The following INSL6 variants were observed in gnomAD, a reference collection of about 807,000 sequenced individuals.
INSL6 encodes insulin-like peptide INSL6.
Under a neutral mutation model 9.4 loss-of-function variants are expected in INSL6, and 16 were observed. That is an observed-to-expected ratio of 1.70 (90% CI 1.15 to 2.59). The LOEUF (loss-of-function observed/expected upper bound fraction) is 2.59, where lower values mean the gene tolerates loss of function less well. Ranked by LOEUF, INSL6 falls within the 30% of genes most tolerant of loss-of-function variation. The pLI is 0.00. For synonymous variants in INSL6, 154 were observed against 96.9 expected (o/e 1.59, Z -3.46); for missense variants, 391 against 257.3 (o/e 1.52, Z -3.56).
intron 1 of INSL6, among the ~76,000 whole-genome samples, chr9:5,172,516 AACAG>A (rs1482200429): frequency 1.3e-5 from 2 of 152,252 alleles, no homozygotes; most frequent in Non-Finnish European, 2.9e-5. Flanking sequence ...CATCAGAGTG[AACAG>A]ACAACCTACA....
chr9:5,123,622 G>T (rs1336834517), downstream of INSL6, among the ~76,000 whole-genome samples: 1 of 151,932 alleles, frequency 6.6e-6, no homozygotes, highest in Non-Finnish European at 1.5e-5. Flanking sequence ...ACAGGTGGAG[G>T]TATCTTTTTG....
At chr9:5,012,736 T>C in the INSL6 span, among the ~76,000 whole-genome samples, 1 of 152,240 alleles carries the variant, frequency 6.6e-6, no homozygotes, top group Non-Finnish European at 1.5e-5. Flanking sequence ...TGTTGAATTA[T>C]AAGGTATTGA....
chr9:5,131,598 C>G (rs758592896), intron 3 of INSL6, among the ~76,000 whole-genome samples: 1 of 151,810 alleles, frequency 6.6e-6, no homozygotes, highest in African/African-American at 2.4e-5. Flanking sequence ...CCACCACGCC[C>G]GGCTAATTTT....
intron 2 of INSL6, among the ~76,000 whole-genome samples, chr9:5,158,017 A>C (rs1824849276): frequency 6.6e-6 from 1 of 152,226 alleles, no homozygotes; most frequent in African/African-American, 2.4e-5. Context: ...AAAAAGAATA[A>C]AGCAGAAATT....
At chr9:5,102,284 G>C in the INSL6 span, among the ~76,000 whole-genome samples, 5 of 152,158 alleles carry the variant, frequency 3.3e-5, no homozygotes, top group African/African-American at 1.2e-4. Context: ...TGGAAGAAAG[G>C]GTATCAGTGA....
At chr9:5,112,665 A>ACCAGGCC in the INSL6 span, 1 of 957,870 alleles carries the variant, frequency 1.0e-6, no homozygotes, top group Non-Finnish European at 1.5e-6. Context: ...CTTATCCTGC[A>ACCAGGCC]CCAGGCCGTC....
At chr9:5,021,942 C>G in the INSL6 span, 2 of 1,455,624 alleles carry the variant, frequency 1.4e-6, no homozygotes, top group African/African-American at 2.8e-5. Flanking sequence ...CCATTTGTAA[C>G]TTTATTGTTT....
the INSL6 span, among the ~76,000 whole-genome samples, chr9:5,025,639 T>C: frequency 1.3e-5 from 2 of 151,942 alleles, no homozygotes; most frequent in Non-Finnish European, 2.9e-5. Context: ...GTTCAAGTGA[T>C]TCATTTCCCT....
At chr9:5,121,193 T>C (rs1329822194), downstream of INSL6, among the ~76,000 whole-genome samples, 1 of 152,252 alleles carries the variant, frequency 6.6e-6, no homozygotes, top group East Asian at 1.9e-4. Context: ...AGGAAAACAA[T>C]TTTATGATTG....
chr9:5,032,227 G>C, the INSL6 span, among the ~76,000 whole-genome samples: 1 of 152,238 alleles, frequency 6.6e-6, no homozygotes, highest in Non-Finnish European at 1.5e-5. Flanking sequence ...GCCGAGGGTT[G>C]AGTAGGTAAA....
the INSL6 span, among the ~76,000 whole-genome samples, chr9:5,017,477 C>A: frequency 6.6e-6 from 1 of 152,116 alleles, no homozygotes; most frequent in East Asian, 1.9e-4. Context: ...TTTATAGTTT[C>A]TATGTCATTT....
chr9:5,125,947 T>C (rs1053057730), intron 3 of INSL6: 2 of 153,498 alleles, frequency 1.3e-5, no homozygotes, highest in African/African-American at 4.8e-5. Flanking sequence ...GAAAGTTTTC[T>C]TTGTTGTATT....
At chr9:5,035,604 A>C in the INSL6 span, among the ~76,000 whole-genome samples, 10 of 152,376 alleles carry the variant, frequency 6.6e-5, no homozygotes, top group African/African-American at 2.2e-4. Context: ...AACGTAATCC[A>C]GCATATAAAC....
chr9:5,112,780 C>T, the INSL6 span: 1 of 584,088 alleles, frequency 1.7e-6, no homozygotes, highest in Admixed American at 3.8e-5. Context: ...TGTTCGGAGG[C>T]CCCCAGATGG....
At chr9:5,038,232 T>A in the INSL6 span, among the ~76,000 whole-genome samples, 1 of 152,296 alleles carries the variant, frequency 6.6e-6, no homozygotes, top group African/African-American at 2.4e-5. Flanking sequence ...ACACAAGTTA[T>A]AGGAACTGCT....
At chr9:5,091,719 A>G in the INSL6 span, 1 of 152,204 alleles carries the variant, frequency 6.6e-6, no homozygotes. Flanking sequence ...AACTGGGTCT[A>G]GTAGAAGTGA....
At chr9:5,040,079 C>T in the INSL6 span, among the ~76,000 whole-genome samples, 1 of 152,050 alleles carries the variant, frequency 6.6e-6, no homozygotes. Context: ...GGACTGTAAT[C>T]AAGACAATGT....
At chr9:5,055,320 A>G in the INSL6 span, among the ~76,000 whole-genome samples, 2 of 152,034 alleles carry the variant, frequency 1.3e-5, no homozygotes, top group African/African-American at 2.4e-5. Flanking sequence ...CGTGTTGTTC[A>G]TAGATTGTTA....
chr9:5,044,447 A>G, the INSL6 span: 10 of 1,613,402 alleles, frequency 6.2e-6, no homozygotes, highest in East Asian at 2.2e-5. Flanking sequence ...AACAGAGCCT[A>G]TCGGCATGGA....
Sources: allele counts gnomAD v4.1 joint callset (sites outside exome capture counted in the v4.1 genomes callset), GRCh38; gene constraint gnomAD v4.1.1; transcripts MANE v1.5; gene names NCBI Gene and HGNC (gene_info 2026-07-23, HGNC 2026-07-21).